The following HIPK2 variants were observed in gnomAD, a reference collection of about 807,000 sequenced individuals.
The protein encoded by HIPK2 is homeodomain interacting protein kinase 2, also known as homeodomain-interacting protein kinase 2.
In HIPK2, 27 loss-of-function variants were observed where a neutral mutation model predicts 113.7. The observed-to-expected ratio is 0.24, with a 90% CI of 0.17 to 0.33. The LOEUF is 0.33. Among genes scored for constraint, HIPK2 ranks in the 10% least tolerant of loss-of-function variants. The pLI, the probability that HIPK2 is intolerant of heterozygous loss-of-function variation, is 1.00. For missense variants in HIPK2, 1,257 were observed against 1,588.0 expected (o/e 0.79, Z 3.54); for synonymous variants, 631 against 642.2 (o/e 0.98, Z 0.26).
At chr7:139,681,251 T>G in intron 2 of HIPK2, among the ~76,000 whole-genome samples, 1 of 152,240 alleles carries the variant, frequency 6.6e-6, no homozygotes, top group East Asian at 1.9e-4. Flanking sequence ...CTTTTCATTC[T>G]TTTTGGCCTG....
Position 139,572,894 on chromosome 7 carries a change from T to TGCCAAG in HIPK2, c.*32_*33insCTTGGC. On this transcript the variant is annotated 3_prime_UTR_variant, in exon 15 of 15. Coordinates refer to ENST00000406875, the MANE Select transcript of HIPK2 (RefSeq NM_022740.5). ...CTCCCTCCTCCCTCGGGCCATTCTC[T>TGCCAAG]CCCTCCCTCCCTCCCTCCCTCCCCT... 1 of 554,278 alleles carries TGCCAAG rather than the reference T, an allele frequency of 1.8e-6. No homozygotes were observed. Among genetic ancestry groups the TGCCAAG allele is most frequent in the Non-Finnish European group, 3.3e-6 (1 of 302,510 alleles). 34.3% of individuals were successfully genotyped at this position (554,278 alleles called of 1,614,324 possible).
intron 1 of HIPK2, among the ~76,000 whole-genome samples, chr7:139,773,256 T>A (rs1796683426): frequency 6.6e-6 from 1 of 152,196 alleles, no homozygotes; most frequent in Non-Finnish European, 1.5e-5. Flanking sequence ...ACCGTGACCC[T>A]CAAGCATCTG....
In HIPK2 at chr7:139,613,862, C is replaced by A. The variant is rs905498400; in HGVS notation, c.1990+424G>T. Among the ~76,000 whole-genome samples, 4 of 152,194 alleles carry A rather than the reference C, an allele frequency of 2.6e-5. No individual in the cohort carries two copies. Among genetic ancestry groups the A allele is most frequent in the Non-Finnish European group, 5.9e-5 (4 of 68,032 alleles). On this transcript the variant is annotated intron_variant, in intron 8 of 14. Coordinates refer to ENST00000406875, the MANE Select transcript of HIPK2 (RefSeq NM_022740.5). This position sits in a 1 kb window ranked among gnomAD's most constrained non-coding sequence, Gnocchi z 4.2. ...TTTGAGGAGGGGTCCCAGGGAAGTA[C>A]TTTTCAGACTGATGGATATTCTTCA...
At chr7:139,621,884 C>G (rs1320589996) in intron 6 of HIPK2, among the ~76,000 whole-genome samples, 2 of 133,372 alleles carry the variant, frequency 1.5e-5, no homozygotes, top group African/African-American at 5.9e-5. Context: ...GATTAGGCCT[C>G]TATATTCCAG....
chr7:139,631,462 G>A lies in HIPK2; in HGVS notation c.1227+140C>T, dbSNP rs1569459094. ...AAAGGAATAAAGAAAAAATAGCAAG[G>A]TTAAGGGAAGCAAGGTTTGGGAGAC... On this transcript the variant is annotated intron_variant, in intron 3 of 14. Transcript: ENST00000406875. This position sits in a 1 kb window ranked among gnomAD's most constrained non-coding sequence, Gnocchi z 4.9. The A allele has an allele frequency of 1.4e-6, 2 of 1,435,434 alleles. No individual in the cohort carries two copies. Among genetic ancestry groups the A allele is most frequent in the Non-Finnish European group, 1.8e-6 (2 of 1,081,536 alleles). The allele number at this position is 1,435,434 out of a possible 1,614,324, so 88.9% of individuals were successfully genotyped here. A position where few individuals can be genotyped will look rare whatever the true frequency, so the allele number is the denominator to read the frequency against.
chr7:139,756,409 T>C (rs924979007), intron 1 of HIPK2, among the ~76,000 whole-genome samples: 1 of 152,226 alleles, frequency 6.6e-6, no homozygotes, highest in African/African-American at 2.4e-5. Flanking sequence ...CTAGACTTTA[T>C]TTAGTTTTTG....
At chr7:139,647,287 T>C (rs1042840876) in intron 2 of HIPK2, among the ~76,000 whole-genome samples, 2 of 152,132 alleles carry the variant, frequency 1.3e-5, no homozygotes, top group Non-Finnish European at 2.9e-5. Context: ...TTGGGTGTCA[T>C]TGTTCACACT....
At chr7:139,738,980 C>T (rs1031426207) in intron 1 of HIPK2, among the ~76,000 whole-genome samples, 1 of 152,178 alleles carries the variant, frequency 6.6e-6, no homozygotes, top group Non-Finnish European at 1.5e-5. Context: ...ACACCCATGG[C>T]ACAGTGCTTC....
chr7:139,703,955 ACC>A lies in HIPK2; in HGVS notation c.1103+11975_1103+11976del, dbSNP rs1297694905. On this transcript the variant is annotated intron_variant, in intron 2 of 14. Transcript: ENST00000406875. ...CACCCACACTATATCCAACATACAC[ACC>A]CCCAACACACACCACACACACAACC... Among the ~76,000 whole-genome samples the A allele has an allele frequency of 8.4e-3, 901 of 106,798 alleles. 18 individuals are homozygous for A. Among genetic ancestry groups the A allele is most frequent in the African/African-American group, 0.027 (675 of 24,874 alleles). The allele number at this position is 106,798 out of a possible 152,430, so 70.1% of individuals were successfully genotyped here.
chr7:139,639,461 A>G (rs1189060740), intron 2 of HIPK2, among the ~76,000 whole-genome samples: 1 of 152,222 alleles, frequency 6.6e-6, no homozygotes, highest in Admixed American at 6.5e-5. Flanking sequence ...CTAAAGATCA[A>G]AAAGTAAACC....
chr7:139,574,616 G>C (rs1442338450), intron 14 of HIPK2, among the ~76,000 whole-genome samples: 2 of 152,188 alleles, frequency 1.3e-5, no homozygotes, highest in African/African-American at 4.8e-5. Flanking sequence ...CCGAGCCCTT[G>C]ACACAGACAG....
At position 139,563,764 on chromosome 7, in the gene HIPK2, G is replaced by A; in HGVS notation, c.*9163C>T. The A allele has an allele frequency of 2.5e-6, 1 of 398,466 alleles. No individual in the cohort carries two copies. Among genetic ancestry groups the A allele is most frequent in the Non-Finnish European group, 4.4e-6 (1 of 226,034 alleles). The allele number at this position is 398,466 out of a possible 1,614,324, so 24.7% of individuals were successfully genotyped here. Reference sequence around the variant, plus strand: ...ACACGCTGTCAATACAGTTCACAGGGAAAAAGCAAATGTGGTATTTTTTTG... The same window carrying A: ...ACACGCTGTCAATACAGTTCACAGGAAAAAAGCAAATGTGGTATTTTTTTG... On this transcript the variant is annotated 3_prime_UTR_variant, in exon 15 of 15. Coordinates refer to ENST00000406875, the MANE Select transcript of HIPK2 (RefSeq NM_022740.5).
intron 1 of HIPK2, among the ~76,000 whole-genome samples, chr7:139,746,835 G>A (rs1440563133): frequency 3.3e-5 from 5 of 152,078 alleles, no homozygotes; most frequent in East Asian, 1.9e-4. Context: ...CCAAGGTGAC[G>A]TGGGCCAGGG....
At chr7:139,606,750 C>G (rs1315456256) in intron 9 of HIPK2, among the ~76,000 whole-genome samples, 2 of 152,170 alleles carry the variant, frequency 1.3e-5, no homozygotes, top group Non-Finnish European at 2.9e-5. Flanking sequence ...AGTGAAAATG[C>G]TGGACTTGCC....
intron 7 of HIPK2, 74 bp from the exon 8 acceptor site, chr7:139,614,567 G>A (rs1362739016): frequency 5.2e-6 from 5 of 965,916 alleles, no homozygotes; most frequent in Admixed American, 4.1e-5. Flanking sequence ...TGGGAGACAC[G>A]AATCTAAATC....
chr7:139,621,199 C>T (rs964458274), intron 6 of HIPK2, among the ~76,000 whole-genome samples: 1 of 152,234 alleles, frequency 6.6e-6, no homozygotes, highest in African/African-American at 2.4e-5. Context: ...CAACCTCTCA[C>T]TCGGTCCGGC....
chr7:139,585,381 G>A lies in HIPK2; in HGVS notation c.2718-1317C>T, dbSNP rs112481577. ...AGCTACAGAAGGCTGGGGGATCTGG[G>A]GGGTGCAGTCCCCAGGAGGCGCTGG... On this transcript the variant is annotated intron_variant, in intron 12 of 14. Transcript: ENST00000406875. Among the ~76,000 whole-genome samples, 743 of 152,344 alleles carry A rather than the reference G, an allele frequency of 4.9e-3. 4 individuals are homozygous for A. Among genetic ancestry groups the A allele is most frequent in the African/African-American group, 0.017 (689 of 41,586 alleles).
At chr7:139,753,394 C>T (rs1331661452) in intron 1 of HIPK2, among the ~76,000 whole-genome samples, 1 of 152,194 alleles carries the variant, frequency 6.6e-6, no homozygotes, top group Non-Finnish European at 1.5e-5. Context: ...TCACACCATT[C>T]CTTGGGACCA....
In HIPK2 at chr7:139,572,168, A is replaced by T. The variant is rs188861739; in HGVS notation, c.*759T>A. 6.6e-6 allele frequency: 1 copy of T among 152,344 alleles called. No homozygotes were observed. The highest frequency in any genetic ancestry group is 6.5e-5 in the Admixed American group (1 of 15,310). The allele number at this position is 152,344 out of a possible 1,614,324, so 9.4% of individuals were successfully genotyped here. A position where few individuals can be genotyped will look rare whatever the true frequency, so the allele number is the denominator to read the frequency against. On this transcript the variant is annotated 3_prime_UTR_variant, in exon 15 of 15. Coordinates refer to ENST00000406875, the MANE Select transcript of HIPK2 (RefSeq NM_022740.5). ...ACACATTATTAATGACATTTGAGAA[A>T]CAACGTTGCTTAGGGATTTATCCAG...
Sources: gnomAD v4.1 joint callset for allele counts (sites outside exome capture counted in the v4.1 genomes callset) on GRCh38, gnomAD v4.1.1 for gene constraint, Gnocchi (gnomAD v3.1) non-coding constraint, MANE v1.5 for transcripts, NCBI Gene and HGNC (gene_info 2026-07-23, HGNC 2026-07-21) for gene names.